The following REL variants were observed in gnomAD, a reference collection of about 807,000 sequenced individuals.
The protein encoded by REL is REL proto-oncogene, NF-kB subunit, also known as proto-oncogene c-Rel.
In REL, 15 loss-of-function variants were observed where a neutral mutation model predicts 45.9. That is an observed-to-expected ratio of 0.33 (90% CI 0.22 to 0.50). The LOEUF is 0.50. REL is among the 20% of genes least tolerant of loss of function. The pLI is 0.98. For synonymous variants in REL, 239 were observed against 242.1 expected, an observed-to-expected ratio of 0.99 and a Z score of 0.12; for missense variants, 601 against 715.2, an observed-to-expected ratio of 0.84 and a Z score of 1.82.
chr2:60,927,286 G>T lies in REL; in HGVS notation c.*4751G>T, dbSNP rs2103999099. ...AATGATTTTTAAAGGGAAAGGTAAT[G>T]ATTTTCTGGCAGGAAAAGCAGCAAT... On this transcript the variant is annotated 3_prime_UTR_variant, in exon 10 of 10. Coordinates refer to ENST00000394479, the MANE Select transcript of REL (RefSeq NM_001291746.2). The T allele has an allele frequency of 8.7e-6, 2 of 230,526 alleles. No homozygotes were observed. Among genetic ancestry groups the T allele is most frequent in the East Asian group, 1.2e-4 (2 of 16,378 alleles). 14.3% of individuals were successfully genotyped at this position (230,526 alleles called of 1,614,324 possible).
chr2:60,893,276 A>C (rs1390204713), intron 2 of REL, among the ~76,000 whole-genome samples: 1 of 152,222 alleles, frequency 6.6e-6, no homozygotes, highest in Non-Finnish European at 1.5e-5. Flanking sequence ...ATGAACTTAA[A>C]GGGAATTGCT....
Position 60,926,636 on chromosome 2 carries a change from CA to C in REL, c.*4102del. On this transcript the variant is annotated 3_prime_UTR_variant, in exon 10 of 10. Coordinates refer to ENST00000394479, the MANE Select transcript of REL (RefSeq NM_001291746.2). ...AGAGCCCACAGGTTCAGTTTTCTTT[CA>C]TGCTACCTGAATGTCCTGATAAACT... The C allele has an allele frequency of 4.3e-6, 1 of 230,206 alleles. No homozygotes were observed. The highest frequency in any genetic ancestry group is 8.6e-6 in the Non-Finnish European group (1 of 116,032). The allele number at this position is 230,206 out of a possible 1,614,324, so 14.3% of individuals were successfully genotyped here. A position where few individuals can be genotyped will look rare whatever the true frequency, so the allele number is the denominator to read the frequency against.
chr2:60,897,145 T>C (rs1436475331), intron 3 of REL, among the ~76,000 whole-genome samples: 1 of 152,142 alleles, frequency 6.6e-6, no homozygotes, highest in Non-Finnish European at 1.5e-5. Flanking sequence ...ATTATAGTTA[T>C]TCTGTTATTC....
Position 60,922,395 on chromosome 2 carries a change from A to G in REL, c.1624A>G (p.Met542Val), listed in dbSNP as rs766566999. 1.2e-6 allele frequency: 2 copies of G among 1,614,146 alleles called. No homozygotes were observed. Among genetic ancestry groups the G allele is most frequent in the South Asian group, 1.1e-5 (1 of 91,084 alleles). The change falls in exon 10 of 10, where the codon ATG becomes GTG. Residue 542 changes from methionine (M) to valine (V), a missense_variant. By Grantham distance (21) the Met-to-Val change is conservative. Around this residue, in one of 4 missense-constraint regions of REL, gnomAD observed 334 missense variants for 333.1 expected, o/e 1.00. Transcript: ENST00000394479. ...GSDFSCADNS[M>V]INESGPSNST... Reference sequence around the variant, plus strand: ...TGACTTCAGTTGTGCAGATAACAGCATGATAAATGAGTCGGGACCATCAAA... The same window carrying G: ...TGACTTCAGTTGTGCAGATAACAGCGTGATAAATGAGTCGGGACCATCAAA...
Position 60,921,930 on chromosome 2 carries a change from A to T in REL, c.1159A>T (p.Thr387Ser). Residue 387 changes from threonine (T) to serine (S), a missense_variant, in exon 10 of 10, where the codon ACC (threonine) becomes TCC (serine). Thr to Ser is a moderately conservative substitution (Grantham distance 58). This residue lies in a region of REL where 334 missense variants were observed against 333.1 expected (regional missense o/e 1.00). Coordinates refer to ENST00000394479, the MANE Select transcript of REL (RefSeq NM_001291746.2). ...AAGCTGGTCATCAGTGGCCCACCCC[A>T]CCCCACGCTCAGGCAATACAAACCC... ...SSSWSSVAHP[T>S]PRSGNTNPLS... 6.2e-7 allele frequency: 1 copy of T among 1,613,888 alleles called. No homozygotes were observed. Among genetic ancestry groups the T allele is most frequent in the Non-Finnish European group, 8.5e-7 (1 of 1,179,980 alleles).
chr2:60,893,306 T>A (rs1673266336), intron 2 of REL, among the ~76,000 whole-genome samples: 1 of 152,218 alleles, frequency 6.6e-6, no homozygotes, highest in African/African-American at 2.4e-5. Context: ...AATAAACCAA[T>A]GGCAAAATTA....
chr2:60,888,742 C>G lies in REL; in HGVS notation c.11-2941C>G, dbSNP rs563438855. The stretch of plus-strand genomic sequence containing the variant: ...TTGAAAGTTACAGTAATACTTTATT[C>G]AGTAACCCAAAGTAGAAGCCATGGA... On this transcript the variant is annotated intron_variant, in intron 1 of 9. Coordinates refer to ENST00000394479, the MANE Select transcript of REL (RefSeq NM_001291746.2). Among the ~76,000 whole-genome samples, 28 of 152,280 alleles carry G rather than the reference C, an allele frequency of 1.8e-4. No individual in the cohort carries two copies. In the South Asian group the frequency reaches 5.8e-3, roughly 32 times the overall value.
chr2:60,914,844 T>G (rs1041618719), intron 4 of REL, among the ~76,000 whole-genome samples: 2 of 150,976 alleles, frequency 1.3e-5, no homozygotes, highest in African/African-American at 4.9e-5. Context: ...TGTTTTTTTT[T>G]TTTTTTTGAG....
intron 6 of REL, 30 bp downstream of exon 6, chr2:60,918,325 A>G (rs1480640797): frequency 1.3e-6 from 2 of 1,563,608 alleles, no homozygotes; most frequent in Non-Finnish European, 1.7e-6. Flanking sequence ...AATTTAGAAT[A>G]AATTTTAGAT....
chr2:60,931,428 A>G lies in REL; in HGVS notation c.*8893A>G, dbSNP rs191798526. 6.6e-6 allele frequency: 1 copy of G among 152,460 alleles called. No homozygotes were observed. Among genetic ancestry groups the G allele is most frequent in the East Asian group, 1.9e-4 (1 of 5,328 alleles). The allele number at this position is 152,460 out of a possible 1,614,324, so 9.4% of individuals were successfully genotyped here. A position where few individuals can be genotyped will look rare whatever the true frequency, so the allele number is the denominator to read the frequency against. On this transcript the variant is annotated 3_prime_UTR_variant, in exon 10 of 10. Coordinates refer to ENST00000394479, the MANE Select transcript of REL (RefSeq NM_001291746.2). ...GACTGAAATGAATTTGGAGGCACTG[A>G]TGAAAGTGATTTTTTTAAAGTTCTC... is the stretch of plus-strand genomic sequence containing the variant.
intron 4 of REL, among the ~76,000 whole-genome samples, chr2:60,910,439 T>C (rs560372058): frequency 7.1e-6 from 1 of 141,432 alleles, no homozygotes; most frequent in Admixed American, 7.5e-5. Context: ...CACTCCAGCC[T>C]GGGTGACAGA....
intron 4 of REL, among the ~76,000 whole-genome samples, chr2:60,904,731 T>A (rs1460358881): frequency 1.3e-5 from 2 of 151,442 alleles, no homozygotes; most frequent in African/African-American, 2.4e-5. Context: ...TCTACAAAAA[T>A]TTTTTTTAAT....
intron 2 of REL, among the ~76,000 whole-genome samples, chr2:60,893,793 A>G (rs1273995594): frequency 6.6e-6 from 1 of 152,172 alleles, no homozygotes; most frequent in East Asian, 1.9e-4. Context: ...CAAACTAAGC[A>G]TTAATTCCTG....
At chr2:60,892,471 C>G in intron 2 of REL, among the ~76,000 whole-genome samples, 1 of 152,128 alleles carries the variant, frequency 6.6e-6, no homozygotes, top group Non-Finnish European at 1.5e-5. Flanking sequence ...ACTTGTCGCC[C>G]AGGCTGGAGT....
At chr2:60,908,750 G>T (rs1055734295) in intron 4 of REL, among the ~76,000 whole-genome samples, 2 of 152,120 alleles carry the variant, frequency 1.3e-5, no homozygotes, top group Non-Finnish European at 2.9e-5. Flanking sequence ...TGACAATAAA[G>T]AATTTGCAAT....
Position 60,930,248 on chromosome 2 carries a change from G to A in REL, c.*7713G>A, listed in dbSNP as rs1248330518. On this transcript the variant is annotated 3_prime_UTR_variant, in exon 10 of 10. Coordinates refer to ENST00000394479, the MANE Select transcript of REL (RefSeq NM_001291746.2). ...AAATATTGTTAATAAACCAATATCT[G>A]TATATCCTATGTCCCGGATTAATCT... The A allele has an allele frequency of 1.3e-5, 2 of 152,312 alleles. No individual in the cohort carries two copies. The highest frequency in any genetic ancestry group is 4.8e-5 in the African/African-American group (2 of 41,448). The allele number at this position is 152,312 out of a possible 1,614,324, so 9.4% of individuals were successfully genotyped here. A position where few individuals can be genotyped will look rare whatever the true frequency, so the allele number is the denominator to read the frequency against.
At position 60,925,914 on chromosome 2, in the gene REL, G is replaced by T. The variant is rs927892539; in HGVS notation, c.*3379G>T. On this transcript the variant is annotated 3_prime_UTR_variant, in exon 10 of 10. Coordinates refer to ENST00000394479, the MANE Select transcript of REL (RefSeq NM_001291746.2). The stretch of plus-strand genomic sequence containing the variant: ...AATAAGTGTTGGCTAGTTTTGCGGT[G>T]TAAGCAGAATTAAGGTTCTGCTACC... 4.4e-6 allele frequency: 1 copy of T among 225,528 alleles called. No individual in the cohort carries two copies. The highest frequency in any genetic ancestry group is 8.8e-6 in the Non-Finnish European group (1 of 113,056). The allele number at this position is 225,528 out of a possible 1,614,324, so 14.0% of individuals were successfully genotyped here. A position where few individuals can be genotyped will look rare whatever the true frequency, so the allele number is the denominator to read the frequency against.
chr2:60,891,267 T>C (rs1216918671), intron 1 of REL, among the ~76,000 whole-genome samples: 1 of 152,234 alleles, frequency 6.6e-6, no homozygotes, highest in Non-Finnish European at 1.5e-5. Flanking sequence ...GTTAAATATA[T>C]TTAACTCACT....
At chr2:60,908,460 G>T (rs1014724203) in intron 4 of REL, among the ~76,000 whole-genome samples, 3 of 152,186 alleles carry the variant, frequency 2.0e-5, no homozygotes, top group African/African-American at 7.2e-5. Context: ...TCAAGTAAAG[G>T]ATTATTCAAA....
Sources: gnomAD v4.1 joint callset for allele counts (sites outside exome capture counted in the v4.1 genomes callset) on GRCh38, gnomAD v4.1.1 for gene constraint, gnomAD v4.1.1 regional missense constraint, MANE v1.5 for transcripts, NCBI Gene and HGNC (gene_info 2026-07-23, HGNC 2026-07-21) for gene names.